CAMTA1: variants seen among roughly 807,000 people sequenced by gnomAD.
CAMTA1 encodes the protein calmodulin-binding transcription activator 1.
In CAMTA1, 27 loss-of-function variants were observed where a neutral mutation model predicts 170.9. The observed-to-expected ratio is 0.16, with a 90% CI of 0.12 to 0.22. The LOEUF (loss-of-function observed/expected upper bound fraction) is 0.22. CAMTA1 is among the 10% of genes least tolerant of loss of function. The pLI is 1.00. For synonymous variants in CAMTA1, 833 were observed against 891.5 expected (o/e 0.93, Z 1.17); for missense variants, 1,619 against 2,217.2 (o/e 0.73, Z 5.42).
intron 3 of CAMTA1, among the ~76,000 whole-genome samples, chr1:6,835,422 G>T (rs1249797664): frequency 6.6e-6 from 1 of 152,180 alleles, no homozygotes; most frequent in Admixed American, 6.5e-5. Flanking sequence ...AGCTGAGCCT[G>T]GTTGGAAGGA....
chr1:7,533,811 G>A (rs2094518647), intron 6 of CAMTA1, among the ~76,000 whole-genome samples: 1 of 152,088 alleles, frequency 6.6e-6, no homozygotes, highest in Admixed American at 6.5e-5. Flanking sequence ...TACTCGGGAG[G>A]CTGAGGCAGG....
At chr1:7,438,537 A>C (rs60923919) in intron 5 of CAMTA1, among the ~76,000 whole-genome samples, 1 of 152,068 alleles carries the variant, frequency 6.6e-6, no homozygotes, top group East Asian at 1.9e-4. Flanking sequence ...CAGGGTCCCC[A>C]TCATCCACCA....
At position 7,455,522 on chromosome 1, in the gene CAMTA1, C is replaced by G. The variant is rs1356265378; in HGVS notation, c.439-12308C>G. The stretch of plus-strand genomic sequence containing the variant: ...GCTCAGCCTTGCATTAACATAGCCA[C>G]AGACCGGCCCGGCGTTTCCCTCCAC... On this transcript the variant is annotated intron_variant, in intron 5 of 22. Coordinates refer to ENST00000303635, the MANE Select transcript of CAMTA1 (RefSeq NM_015215.4). The surrounding 1 kb of genome is among the most constrained non-coding windows in gnomAD (Gnocchi z 5.0). 6.6e-6 allele frequency among the ~76,000 whole-genome samples: 1 copy of G among 152,230 alleles called. No individual in the cohort carries two copies. Among genetic ancestry groups the G allele is most frequent in the Non-Finnish European group, 1.5e-5 (1 of 68,036 alleles).
At chr1:7,721,401 A>C (rs183047021) in intron 11 of CAMTA1, among the ~76,000 whole-genome samples, 1 of 152,220 alleles carries the variant, frequency 6.6e-6, no homozygotes, top group African/African-American at 2.4e-5. Flanking sequence ...AGGATTAGAC[A>C]TAATCCATGT....
intron 3 of CAMTA1, among the ~76,000 whole-genome samples, chr1:7,076,902 AT>A (rs1308472266): frequency 6.6e-6 from 1 of 152,214 alleles, no homozygotes; most frequent in African/African-American, 2.4e-5. Flanking sequence ...TCAATTCCAA[AT>A]GCTCAAAGCT....
At chr1:7,550,197 C>G (rs1227736221) in intron 6 of CAMTA1, among the ~76,000 whole-genome samples, 1 of 152,042 alleles carries the variant, frequency 6.6e-6, no homozygotes, top group African/African-American at 2.4e-5. Flanking sequence ...ATCTGTGAAT[C>G]CACAGCTCCC....
intron 6 of CAMTA1, among the ~76,000 whole-genome samples, chr1:7,528,936 G>C (rs1369395830): frequency 1.3e-5 from 2 of 152,106 alleles, no homozygotes; most frequent in Non-Finnish European, 2.9e-5. Context: ...CCTGTGTAGG[G>C]TAGAAACTCC....
chr1:7,004,579 A>G (rs1351039392), intron 3 of CAMTA1, among the ~76,000 whole-genome samples: 1 of 152,196 alleles, frequency 6.6e-6, no homozygotes, highest in Non-Finnish European at 1.5e-5. Flanking sequence ...AAAAAAGTCT[A>G]CTAAATGGAA....
intron 6 of CAMTA1, among the ~76,000 whole-genome samples, chr1:7,505,666 C>G (rs2094094029): frequency 6.6e-6 from 1 of 152,168 alleles, no homozygotes; most frequent in African/African-American, 2.4e-5. Context: ...ACCCAGAGGC[C>G]ACATGAGGCA....
At chr1:6,806,747 A>C (rs1280585859) in intron 1 of CAMTA1, among the ~76,000 whole-genome samples, 1 of 152,208 alleles carries the variant, frequency 6.6e-6, no homozygotes, top group African/African-American at 2.4e-5. Context: ...TGGTTAATAT[A>C]CATTCTGGTT....
Position 7,736,107 on chromosome 1 carries a change from C to T in CAMTA1, c.3067-237C>T, listed in dbSNP as rs1405613992. On this transcript the variant is annotated intron_variant, in intron 12 of 22. Transcript: ENST00000303635. This position sits in a 1 kb window ranked among gnomAD's most constrained non-coding sequence, Gnocchi z 4.5. ...TGTACTTTTTGTAGAGACAGGGTCT[C>T]ACCATGTTGCCCAGGCTGGTCTCAA... Among the ~76,000 whole-genome samples the T allele has an allele frequency of 3.3e-5, 5 of 151,986 alleles. No individual in the cohort carries two copies. The highest frequency in any genetic ancestry group is 9.7e-5 in the African/African-American group (4 of 41,376).
intron 6 of CAMTA1, among the ~76,000 whole-genome samples, chr1:7,548,248 T>C (rs1247136385): frequency 1.3e-5 from 2 of 152,192 alleles, no homozygotes; most frequent in Non-Finnish European, 2.9e-5. Flanking sequence ...GTTGGGCACA[T>C]GTCTACAGTT....
At chr1:6,894,518 A>G (rs2149161308) in intron 3 of CAMTA1, among the ~76,000 whole-genome samples, 1 of 152,318 alleles carries the variant, frequency 6.6e-6, no homozygotes, top group Non-Finnish European at 1.5e-5. Context: ...CTCCCTTCCT[A>G]AATTGATTAC....
At chr1:7,207,833 C>T (rs1573901016) in intron 4 of CAMTA1, among the ~76,000 whole-genome samples, 1 of 152,152 alleles carries the variant, frequency 6.6e-6, no homozygotes, top group East Asian at 1.9e-4. Context: ...TGTTTGGGGC[C>T]CTGCTACCTC....
At chr1:7,220,832 C>T (rs1483753780) in intron 4 of CAMTA1, among the ~76,000 whole-genome samples, 2 of 152,216 alleles carry the variant, frequency 1.3e-5, no homozygotes, top group African/African-American at 2.4e-5. Flanking sequence ...TAACTTCCCA[C>T]GAGTGCCTGG....
chr1:7,572,579 C>CTGGGA (rs1423283525), intron 6 of CAMTA1, among the ~76,000 whole-genome samples: 2 of 152,138 alleles, frequency 1.3e-5, no homozygotes, highest in Admixed American at 1.3e-4. Flanking sequence ...TGTCCCAGCA[C>CTGGGA]CATTTATTGA....
At chr1:7,611,004 C>T (rs2095520015) in intron 6 of CAMTA1, among the ~76,000 whole-genome samples, 1 of 152,250 alleles carries the variant, frequency 6.6e-6, no homozygotes, top group Non-Finnish European at 1.5e-5. Context: ...ACCCCTAGCT[C>T]TGCCCTTTGC....
At chr1:7,491,572 T>G (rs77771443) in intron 6 of CAMTA1, among the ~76,000 whole-genome samples, 4,398 of 152,288 alleles carry the variant, frequency 0.029, 110 homozygotes, top group African/African-American at 0.066. Flanking sequence ...GGCAGAGCGT[T>G]AAATAATTAC....
intron 7 of CAMTA1, among the ~76,000 whole-genome samples, chr1:7,657,374 G>A (rs1225693747): frequency 6.6e-6 from 1 of 152,192 alleles, no homozygotes; most frequent in African/African-American, 2.4e-5. Flanking sequence ...GGGGAGTCAG[G>A]TACCGCCCGG....
Sources: allele counts gnomAD v4.1 joint callset (sites outside exome capture counted in the v4.1 genomes callset), GRCh38; gene constraint gnomAD v4.1.1; non-coding constraint Gnocchi (gnomAD v3.1); transcripts MANE v1.5; gene names NCBI Gene and HGNC (gene_info 2026-07-23, HGNC 2026-07-21).